CLASP1: variants seen among roughly 807,000 people sequenced by gnomAD.
CLASP1 encodes cytoplasmic linker associated protein 1, also known as CLIP-associating protein 1.
A neutral mutation model predicts 192.3 loss-of-function variants in CLASP1; 38 were observed. That is an observed-to-expected ratio of 0.20 (90% confidence interval 0.15 to 0.26). CLASP1 has a LOEUF of 0.26. CLASP1 is among the 10% of genes least tolerant of loss of function. CLASP1 has a pLI of 1.00. For synonymous variants in CLASP1, 691 were observed against 712.8 expected, an observed-to-expected ratio of 0.97 and a Z score of 0.49; for missense variants, 1,433 against 1,932.5, an observed-to-expected ratio of 0.74 and a Z score of 4.85.
intron 9 of CLASP1, among the ~76,000 whole-genome samples, chr2:121,468,041 A>C (rs2089984450): frequency 1.3e-5 from 2 of 152,224 alleles, no homozygotes; most frequent in Non-Finnish European, 2.9e-5. Context: ...TTTATTAAAC[A>C]GGGAATTCTT....
intron 7 of CLASP1, among the ~76,000 whole-genome samples, chr2:121,506,174 A>G (rs56266525): frequency 6.6e-6 from 1 of 152,218 alleles, no homozygotes; most frequent in Non-Finnish European, 1.5e-5. Flanking sequence ...ACATTGGCAA[A>G]AACCGTCCAA....
intron 28 of CLASP1, among the ~76,000 whole-genome samples, chr2:121,400,470 C>A (rs1420631475): frequency 2.0e-5 from 3 of 152,188 alleles, no homozygotes; most frequent in Admixed American, 1.3e-4. Flanking sequence ...TGCTACTGTG[C>A]TAGTCAAGGG....
intron 36 of CLASP1, chr2:121,364,080 AG>A (rs2066931070): frequency 6.6e-6 from 1 of 152,214 alleles, no homozygotes; most frequent in African/African-American, 2.4e-5. Flanking sequence ...ATTTTTAAAA[AG>A]TTTTTTTTAA....
intron 1 of CLASP1, among the ~76,000 whole-genome samples, chr2:121,616,588 T>C (rs1312580610): frequency 6.6e-6 from 1 of 152,204 alleles, no homozygotes; most frequent in East Asian, 1.9e-4. Flanking sequence ...AGCCAGAAAT[T>C]AGCAGGATCT....
intron 19 of CLASP1, among the ~76,000 whole-genome samples, chr2:121,439,629 G>A (rs577885543): frequency 1.9e-4 from 29 of 152,128 alleles, no homozygotes; most frequent in African/African-American, 6.8e-4. Flanking sequence ...ATATAGTTGA[G>A]CGGTTTTGAG....
intron 32 of CLASP1, among the ~76,000 whole-genome samples, chr2:121,385,505 A>ATTT (rs2073003874): frequency 2.0e-5 from 3 of 152,204 alleles, no homozygotes. Context: ...GAAAAACACA[A>ATTT]TTTTTAATGA....
chr2:121,578,855 A>G (rs74759937), intron 2 of CLASP1, among the ~76,000 whole-genome samples: 1 of 151,576 alleles, frequency 6.6e-6, no homozygotes. Context: ...ACACACACAC[A>G]AAAAAAAACT....
chr2:121,564,156 C>A (rs2059321179), intron 2 of CLASP1, among the ~76,000 whole-genome samples: 1 of 152,142 alleles, frequency 6.6e-6, no homozygotes, highest in Non-Finnish European at 1.5e-5. Flanking sequence ...AAAGCCAAAC[C>A]ACATCATTCA....
chr2:121,474,677 A>G (rs1575218042), intron 8 of CLASP1, among the ~76,000 whole-genome samples: 1 of 152,182 alleles, frequency 6.6e-6, no homozygotes, highest in African/African-American at 2.4e-5. Context: ...CAGAGGTTGC[A>G]GTGAGCCAAG....
intron 25 of CLASP1, among the ~76,000 whole-genome samples, chr2:121,404,910 A>C (rs903467440): frequency 5.3e-5 from 8 of 152,222 alleles, no homozygotes; most frequent in African/African-American, 1.9e-4. Context: ...AAGCATGTCT[A>C]TCCTGCATTT....
chr2:121,547,161 G>A (rs910168476), intron 2 of CLASP1, among the ~76,000 whole-genome samples: 1 of 152,108 alleles, frequency 6.6e-6, no homozygotes, highest in Non-Finnish European at 1.5e-5. Flanking sequence ...TCATCGGCAG[G>A]TCCTCCAGGC....
chr2:121,469,700 T>C lies in CLASP1; in HGVS notation c.865+108A>G, dbSNP rs555575847. 9 of 1,047,968 alleles carry C rather than the reference T, an allele frequency of 8.6e-6. No homozygotes were observed. In the South Asian group the frequency reaches 1.6e-4, roughly 19 times the overall value. The allele number at this position is 1,047,968 out of a possible 1,614,324, so 64.9% of individuals were successfully genotyped here. A position where few individuals can be genotyped will look rare whatever the true frequency, so the allele number is the denominator to read the frequency against. ...GAATAGCAGGCAGAAACCTGCTGCA[T>C]ATGGGGACTGTATCACTTCTGAGGG... On this transcript the variant is annotated intron_variant, in intron 9 of 39. Coordinates refer to ENST00000263710, the Ensembl canonical transcript of CLASP1.
chr2:121,476,951 T>C (rs562229913), intron 8 of CLASP1, among the ~76,000 whole-genome samples: 1 of 152,350 alleles, frequency 6.6e-6, no homozygotes, highest in East Asian at 1.9e-4. Context: ...CCAAACCTTT[T>C]GCAAAGGCTG....
intron 2 of CLASP1, among the ~76,000 whole-genome samples, chr2:121,584,037 C>CCAGG (rs1486105695): frequency 6.6e-6 from 1 of 152,120 alleles, no homozygotes; most frequent in Non-Finnish European, 1.5e-5. Flanking sequence ...GTAGCCAAGA[C>CCAGG]CAGGCCCTCA....
At chr2:121,382,238 T>C in exon 33 of CLASP1, 1 of 1,609,344 alleles carries the variant, frequency 6.2e-7, no homozygotes, top group Non-Finnish European at 8.5e-7. Flanking sequence ...GAGAGCCTTG[T>C]GGGAGGGAGC....
intron 13 of CLASP1, among the ~76,000 whole-genome samples, chr2:121,458,500 A>G (rs182582747): frequency 1.3e-5 from 2 of 152,332 alleles, no homozygotes; most frequent in Admixed American, 6.5e-5. Flanking sequence ...AAGGACTGGG[A>G]CTAAGGAGGT....
At chr2:121,493,528 C>G (rs1432045901) in intron 8 of CLASP1, among the ~76,000 whole-genome samples, 1 of 152,142 alleles carries the variant, frequency 6.6e-6, no homozygotes, top group Non-Finnish European at 1.5e-5. Flanking sequence ...CCTAAGACCT[C>G]AAACTATAAA....
intron 8 of CLASP1, among the ~76,000 whole-genome samples, chr2:121,478,768 A>ACCCCACACACC (rs1306398316): frequency 2.0e-5 from 1 of 50,642 alleles, no homozygotes; most frequent in African/African-American, 1.3e-4. Context: ...CACACCACAC[A>ACCCCACACACC]CCCCACACAC....
chr2:121,403,701 C>G, intron 26 of CLASP1: 1 of 456,760 alleles, frequency 2.2e-6, no homozygotes, highest in Non-Finnish European at 4.4e-6. Flanking sequence ...TAAAGATACC[C>G]TGTCTCACGT....
Sources: gnomAD v4.1 joint callset for allele counts (sites outside exome capture counted in the v4.1 genomes callset) on GRCh38, gnomAD v4.1.1 for gene constraint, MANE v1.5 for transcripts, NCBI Gene and HGNC (gene_info 2026-07-23, HGNC 2026-07-21) for gene names.